ABCD2: variants seen among roughly 807,000 people sequenced by gnomAD.
ABCD2 encodes ATP binding cassette subfamily D member 2.
ABCD2 carries 36 observed loss-of-function variants against 70.9 expected under a neutral mutation model. The ratio of observed to expected loss-of-function variants is 0.51; its 90% CI spans 0.39 to 0.67. The LOEUF is 0.67. Ranked by LOEUF, ABCD2 falls within the 30% of genes least tolerant of loss-of-function variation. The probability of loss-of-function intolerance (pLI) is 0.00; values close to 1 mark genes in which losing one functional copy is unlikely to be tolerated. For synonymous variants in ABCD2, 304 were observed against 306.9 expected (o/e 0.99, Z 0.10); for missense variants, 729 against 890.2 (o/e 0.82, Z 2.30).
chr12:39,612,303 C>T (rs756263846), intron 2 of ABCD2, among the ~76,000 whole-genome samples: 3 of 152,080 alleles, frequency 2.0e-5, no homozygotes, highest in Non-Finnish European at 2.9e-5. Flanking sequence ...ATTACTAATA[C>T]CCAGCAAACT....
At chr12:39,614,539 C>T (rs966518328) in intron 2 of ABCD2, among the ~76,000 whole-genome samples, 2 of 151,216 alleles carry the variant, frequency 1.3e-5, no homozygotes, top group Non-Finnish European at 3.0e-5. Context: ...TTCTGACTCA[C>T]CTATTTTTCT....
intron 3 of ABCD2, among the ~76,000 whole-genome samples, chr12:39,605,153 T>C (rs1941952956): frequency 6.6e-6 from 1 of 152,068 alleles, no homozygotes; most frequent in Non-Finnish European, 1.5e-5. Flanking sequence ...TATACAGATT[T>C]CAGAATATTA....
intron 5 of ABCD2, among the ~76,000 whole-genome samples, chr12:39,601,859 T>A (rs1161791467): frequency 6.6e-6 from 1 of 152,092 alleles, no homozygotes; most frequent in African/African-American, 2.4e-5. Context: ...GAGAAAAGGC[T>A]AAGGGTTTAA....
chr12:39,617,214 C>T lies in ABCD2; in HGVS notation c.940-46G>A, dbSNP rs891876389. ...TGAGGACTTTTTTTAAAGATATATA[C>T]ATATTATTCTTTTTTTTTTTTAGTA... On this transcript the variant is annotated intron_variant, in intron 1 of 9. Coordinates refer to ENST00000308666, the MANE Select transcript of ABCD2 (RefSeq NM_005164.4). 5.5e-6 allele frequency: 7 copies of T among 1,265,784 alleles called. No homozygotes were observed. In the African/African-American group the frequency reaches 1.1e-4, roughly 20 times the overall value. 78.4% of individuals were successfully genotyped at this position (1,265,784 alleles called of 1,614,324 possible). A position where few individuals can be genotyped will look rare whatever the true frequency, so the allele number is the denominator to read the frequency against.
At chr12:39,573,615 G>A (rs1196124176) in intron 9 of ABCD2, 101 bp downstream of exon 9, 4 of 1,292,132 alleles carry the variant, frequency 3.1e-6, no homozygotes, top group Admixed American at 5.0e-5. Flanking sequence ...TAGAAAATAA[G>A]TGAAATACCC....
At chr12:39,546,043 A>G (rs139110452), downstream of ABCD2, among the ~76,000 whole-genome samples, 931 of 152,284 alleles carry the variant, frequency 6.1e-3, 29 homozygotes, top group Admixed American at 0.055. Context: ...GAAGATTTAA[A>G]CCAGTGAGTT....
Position 39,554,668 on chromosome 12 carries a change from C to T in ABCD2, c.2004-537G>A, listed in dbSNP as rs113728491. On this transcript the variant is annotated intron_variant, in intron 9 of 9. Transcript: ENST00000308666. ...TAGAAGAAATGTTTTAAAGATACTTCCACATTTTTATATGATTTAATCTCT... is the reference window on the plus strand; with the variant it reads ...TAGAAGAAATGTTTTAAAGATACTTTCACATTTTTATATGATTTAATCTCT... Among the ~76,000 whole-genome samples, 341 of 152,196 alleles carry T rather than the reference C, an allele frequency of 2.2e-3. 4 individuals are homozygous for T. Among genetic ancestry groups the T allele is most frequent in the African/African-American group, 7.5e-3 (311 of 41,544 alleles).
chr12:39,607,754 T>G lies in ABCD2; in HGVS notation c.1121-40A>C, dbSNP rs373175976. 138 of 1,349,670 alleles carry G rather than the reference T, an allele frequency of 1.0e-4. 1 individual carries two copies. The African/African-American group carries it at 1.4e-3, about 14-fold the overall frequency. The allele number at this position is 1,349,670 out of a possible 1,614,324, so 83.6% of individuals were successfully genotyped here. ...AAATTACAAAACTTGAGTTTTTTTT[T>G]TTTTTTTTTTTAGTAACTTAATGTT... On this transcript the variant is annotated intron_variant, in intron 2 of 9. Transcript: ENST00000308666.
intron 9 of ABCD2, among the ~76,000 whole-genome samples, chr12:39,573,120 A>G (rs549977126): frequency 8.5e-5 from 13 of 152,150 alleles, no homozygotes; most frequent in Non-Finnish European, 1.9e-4. Context: ...CTGGAACAGA[A>G]TAAGTGCTCA....
intron 9 of ABCD2, among the ~76,000 whole-genome samples, chr12:39,567,117 T>G (rs540271355): frequency 1.8e-4 from 28 of 152,182 alleles, no homozygotes; most frequent in Non-Finnish European, 2.4e-4. Context: ...GTTGATTTGG[T>G]GTGGAGAGTT....
intron 9 of ABCD2, among the ~76,000 whole-genome samples, chr12:39,564,849 G>A (rs1441836835): frequency 6.6e-6 from 1 of 152,108 alleles, no homozygotes; most frequent in Admixed American, 6.5e-5. Context: ...TCTACTTATG[G>A]CTAGCCAGTT....
At chr12:39,547,807 GT>G (rs1282154673), downstream of ABCD2, among the ~76,000 whole-genome samples, 1 of 152,046 alleles carries the variant, frequency 6.6e-6, no homozygotes, top group Non-Finnish European at 1.5e-5. Context: ...TATGTTATGT[GT>G]TTTTTACCAA....
At chr12:39,614,742 G>A (rs548384820) in intron 2 of ABCD2, among the ~76,000 whole-genome samples, 16 of 151,928 alleles carry the variant, frequency 1.1e-4, no homozygotes, top group Middle Eastern at 3.4e-3. Flanking sequence ...AAAGTCACTC[G>A]GTATTTTCAT....
chr12:39,537,986 T>G, the ABCD2 span, among the ~76,000 whole-genome samples: 2 of 152,098 alleles, frequency 1.3e-5, no homozygotes, highest in African/African-American at 4.8e-5. Flanking sequence ...TTCCTATAAC[T>G]AAATCAAATG....
the ABCD2 span, among the ~76,000 whole-genome samples, chr12:39,535,435 G>A: frequency 1.3e-5 from 2 of 152,136 alleles, no homozygotes; most frequent in Non-Finnish European, 2.9e-5. Context: ...AAAGACATAT[G>A]TGAGGGCAAA....
intron 6 of ABCD2, among the ~76,000 whole-genome samples, chr12:39,592,360 T>C (rs1941758121): frequency 6.6e-6 from 1 of 152,238 alleles, no homozygotes; most frequent in South Asian, 2.1e-4. Context: ...TCATAATTAG[T>C]GTAAGGTACC....
the ABCD2 span, among the ~76,000 whole-genome samples, chr12:39,542,525 A>C: frequency 6.6e-6 from 1 of 152,148 alleles, no homozygotes; most frequent in Non-Finnish European, 1.5e-5. Context: ...ATTAGTTAGA[A>C]AGCAATGGCA....
intron 6 of ABCD2, among the ~76,000 whole-genome samples, chr12:39,593,119 T>A (rs1448794746): frequency 6.6e-6 from 1 of 152,240 alleles, no homozygotes; most frequent in Non-Finnish European, 1.5e-5. Context: ...TGGTTTTATA[T>A]GTGTGGGTTA....
chr12:39,551,151 A>T lies in ABCD2; in HGVS notation c.*2761T>A, dbSNP rs181932633. 72 of 151,690 alleles carry T rather than the reference A, an allele frequency of 4.7e-4. No individual in the cohort carries two copies. Among genetic ancestry groups the T allele is most frequent in the African/African-American group, 1.5e-3 (63 of 41,508 alleles). The allele number at this position is 151,690 out of a possible 1,614,324, so 9.4% of individuals were successfully genotyped here. On this transcript the variant is annotated 3_prime_UTR_variant, in exon 10 of 10. Transcript: ENST00000308666. ...CATTATCCTGCTTACAAGAACACAA[A>T]CTGTTTTAGACTCATGCTTGGCATA...
Sources: gnomAD v4.1 joint callset for allele counts (sites outside exome capture counted in the v4.1 genomes callset) on GRCh38, gnomAD v4.1.1 for gene constraint, MANE v1.5 for transcripts, NCBI Gene and HGNC (gene_info 2026-07-23, HGNC 2026-07-21) for gene names.